EXOC2: variants seen among roughly 807,000 people sequenced by gnomAD.
EXOC2 encodes SEC5-like 1.
Under a neutral mutation model 131.8 loss-of-function variants are expected in EXOC2, and 70 were observed. That is an observed-to-expected ratio of 0.53 (90% CI 0.44 to 0.65). The LOEUF is 0.65. Among genes scored for constraint, EXOC2 ranks in the 30% least tolerant of loss-of-function variants. The pLI, the probability that EXOC2 is intolerant of heterozygous loss-of-function variation, is 0.00. For synonymous variants in EXOC2, 411 were observed against 398.4 expected (o/e 1.03, Z -0.38); for missense variants, 923 against 1,108.6 (o/e 0.83, Z 2.38).
chr6:603,367 G>A (rs143005201), intron 7 of EXOC2, among the ~76,000 whole-genome samples: 74 of 152,216 alleles, frequency 4.9e-4, no homozygotes, highest in African/African-American at 1.5e-3. Flanking sequence ...ATACCATAAC[G>A]ATGCTATACG....
chr6:636,941 G>A (rs940406357), intron 2 of EXOC2, among the ~76,000 whole-genome samples: 11 of 152,108 alleles, frequency 7.2e-5, no homozygotes, highest in Non-Finnish European at 1.5e-4. Flanking sequence ...AATGATTTAC[G>A]TTTAAAGTTC....
intron 23 of EXOC2, among the ~76,000 whole-genome samples, chr6:522,070 C>T (rs1436615473): frequency 6.6e-6 from 1 of 152,188 alleles, no homozygotes; most frequent in East Asian, 1.9e-4. Flanking sequence ...CAACTAATAA[C>T]TGAATAAATC....
intron 17 of EXOC2, among the ~76,000 whole-genome samples, chr6:561,007 C>A (rs1226526247): frequency 6.6e-6 from 1 of 151,640 alleles, no homozygotes; most frequent in Non-Finnish European, 1.5e-5. Context: ...AGCACCCGGC[C>A]CAATTAAAAT....
chr6:492,198 C>T (rs553124571), intron 25 of EXOC2, among the ~76,000 whole-genome samples: 7 of 152,278 alleles, frequency 4.6e-5, no homozygotes, highest in Admixed American at 2.6e-4. Flanking sequence ...TGTGAAAGGA[C>T]GACCCACAGA....
In EXOC2 at chr6:486,533, A is replaced by C. The variant is rs1190325231; in HGVS notation, c.*138T>G. ...CATTTTGGTTGAAATGTATACCAAC[A>C]ATTTTCGAAGTCAGAGGAAGAAAAA... is the stretch of plus-strand genomic sequence containing the variant. On this transcript the variant is annotated 3_prime_UTR_variant, in exon 28 of 28. Transcript: ENST00000230449. The C allele has an allele frequency of 2.8e-6, 2 of 710,436 alleles. No individual in the cohort carries two copies. Among genetic ancestry groups the C allele is most frequent in the Admixed American group, 2.8e-5 (1 of 36,052 alleles). The allele number at this position is 710,436 out of a possible 1,614,324, so 44.0% of individuals were successfully genotyped here.
At chr6:535,979 C>T (rs951642388) in intron 22 of EXOC2, among the ~76,000 whole-genome samples, 1 of 152,110 alleles carries the variant, frequency 6.6e-6, no homozygotes, top group Non-Finnish European at 1.5e-5. Context: ...TGAAAAAGCA[C>T]TTGAGAAAAT....
At chr6:678,655 A>G (rs1764261014) in intron 1 of EXOC2, among the ~76,000 whole-genome samples, 1 of 152,234 alleles carries the variant, frequency 6.6e-6, no homozygotes, top group Admixed American at 6.5e-5. Flanking sequence ...ACAATATAGT[A>G]ACAGTACACA....
In EXOC2 at chr6:656,655, G is replaced by T. The variant is rs766267576; in HGVS notation, c.-43-18794C>A. On this transcript the variant is annotated intron_variant, in intron 1 of 27. Coordinates refer to ENST00000230449, the MANE Select transcript of EXOC2 (RefSeq NM_018303.6). ...GGTCAGCTGCAGCTTCAGGGAGGAC[G>T]CGCCCGCTGCGCTTCTCGCCGCCCG... 1.9e-6 allele frequency: 3 copies of T among 1,606,712 alleles called. No individual in the cohort carries two copies. In the African/African-American group the frequency reaches 4.0e-5, roughly 21 times the overall value.
intron 1 of EXOC2, among the ~76,000 whole-genome samples, chr6:653,524 A>G (rs1361976447): frequency 6.6e-6 from 1 of 152,238 alleles, no homozygotes; most frequent in Admixed American, 6.5e-5. Flanking sequence ...CCCAGTGTAA[A>G]GCCCTAACTC....
intron 6 of EXOC2, among the ~76,000 whole-genome samples, chr6:613,405 T>C (rs1760815177): frequency 6.6e-6 from 1 of 151,568 alleles, no homozygotes; most frequent in South Asian, 2.1e-4. Context: ...TATGAAATAG[T>C]CCACTGGATG....
chr6:532,871 T>G (rs1766177708), intron 22 of EXOC2, among the ~76,000 whole-genome samples: 1 of 152,136 alleles, frequency 6.6e-6, no homozygotes, highest in African/African-American at 2.4e-5. Context: ...TGCCCAAGAT[T>G]AGGTAATTTA....
chr6:545,040 G>A (rs73376421), intron 22 of EXOC2, among the ~76,000 whole-genome samples: 16 of 150,676 alleles, frequency 1.1e-4, no homozygotes, highest in Admixed American at 3.3e-4. Context: ...CCAGCTACTC[G>A]GGAGGCTGAG....
chr6:522,942 C>G (rs1765554604), intron 23 of EXOC2, among the ~76,000 whole-genome samples: 1 of 152,218 alleles, frequency 6.6e-6, no homozygotes, highest in Non-Finnish European at 1.5e-5. Context: ...AGTACTAAAG[C>G]TGTTTTCCTC....
chr6:527,676 G>C (rs1296059982), intron 23 of EXOC2, among the ~76,000 whole-genome samples: 1 of 152,128 alleles, frequency 6.6e-6, no homozygotes, highest in South Asian at 2.1e-4. Context: ...AATGGTCCTA[G>C]ACATACTCAT....
At chr6:535,426 G>C (rs1221677467) in intron 22 of EXOC2, among the ~76,000 whole-genome samples, 1 of 151,916 alleles carries the variant, frequency 6.6e-6, no homozygotes. Flanking sequence ...ATAAGCTCCT[G>C]GGCAAGACTG....
chr6:649,590 C>T (rs1192420279), intron 1 of EXOC2, among the ~76,000 whole-genome samples: 1 of 152,170 alleles, frequency 6.6e-6, no homozygotes, highest in Non-Finnish European at 1.5e-5. Context: ...TGCCTGGACC[C>T]GAATGGGGAT....
At chr6:629,999 C>T in intron 3 of EXOC2, 38 bp from the exon 4 acceptor site, 7 of 1,608,844 alleles carry the variant, frequency 4.4e-6, no homozygotes, top group Non-Finnish European at 5.9e-6. Flanking sequence ...TAAGATGAAG[C>T]CTACCCCAGG....
At chr6:614,728 T>C (rs574340776) in intron 6 of EXOC2, among the ~76,000 whole-genome samples, 1 of 152,186 alleles carries the variant, frequency 6.6e-6, no homozygotes, top group Non-Finnish European at 1.5e-5. Flanking sequence ...TCATGTTTAA[T>C]ATAAATAAGC....
Position 486,670 on chromosome 6 carries a change from T to TTTATG in EXOC2, c.2771_2775dup. 6.2e-7 allele frequency: 1 copy of TTTATG among 1,613,602 alleles called. No homozygotes were observed. Among genetic ancestry groups the TTTATG allele is most frequent in the Non-Finnish European group, 8.5e-7 (1 of 1,179,500 alleles). ...CTGGACTTCTTTTATGTGGCAGATATTTATGTTTTCATCATGGTTGAAGAA... is the reference window on the plus strand; with the variant it reads ...CTGGACTTCTTTTATGTGGCAGATATTTATGTTATGTTTTCATCATGGTTGAAGAA... On this transcript the variant is annotated 3_prime_UTR_variant, in exon 28 of 28. Coordinates refer to ENST00000230449, the MANE Select transcript of EXOC2 (RefSeq NM_018303.6).
Sources: allele counts gnomAD v4.1 joint callset (sites outside exome capture counted in the v4.1 genomes callset), GRCh38; gene constraint gnomAD v4.1.1; transcripts MANE v1.5; gene names NCBI Gene and HGNC (gene_info 2026-07-23, HGNC 2026-07-21).